Variants in ST6GAL1 observed in about 807,000 individuals in gnomAD.
ST6GAL1 encodes the protein ST6 beta-galactoside alpha-2,6-sialyltransferase 1, also known as beta-galactoside alpha-2,6-sialyltransferase 1.
Under a neutral mutation model 38.0 loss-of-function variants are expected in ST6GAL1, and 20 were observed. The ratio of observed to expected loss-of-function variants is 0.53; its 90% CI spans 0.37 to 0.77. ST6GAL1 has a LOEUF of 0.77. Among genes scored for constraint, ST6GAL1 ranks in the 30% least tolerant of loss-of-function variants. ST6GAL1 has a pLI of 0.00. For synonymous variants in ST6GAL1, 196 were observed against 188.2 expected (o/e 1.04, Z -0.34); for missense variants, 432 against 496.4 (o/e 0.87, Z 1.23).
chr3:186,970,521 T>C (rs1437478651), intron 2 of ST6GAL1, among the ~76,000 whole-genome samples: 1 of 151,858 alleles, frequency 6.6e-6, no homozygotes, highest in Admixed American at 6.6e-5. Flanking sequence ...CTGCGCCCGG[T>C]GGATACAGAA....
At chr3:186,941,665 G>T (rs1475322894) in intron 1 of ST6GAL1, among the ~76,000 whole-genome samples, 1 of 152,044 alleles carries the variant, frequency 6.6e-6, no homozygotes, top group Non-Finnish European at 1.5e-5. Flanking sequence ...CCCAACAATG[G>T]AACAAGCTGT....
intron 5 of ST6GAL1, among the ~76,000 whole-genome samples, chr3:187,059,932 G>C (rs928513517): frequency 8.5e-5 from 13 of 152,216 alleles, no homozygotes; most frequent in African/African-American, 3.1e-4. Context: ...TATTCAAGGA[G>C]GTCAGAATCC....
At chr3:186,976,945 T>C (rs532311226) in intron 2 of ST6GAL1, among the ~76,000 whole-genome samples, 1 of 152,338 alleles carries the variant, frequency 6.6e-6, no homozygotes, top group East Asian at 1.9e-4. Flanking sequence ...TGATACCATA[T>C]GAATAAAGGA....
At chr3:186,993,118 G>T (rs74829123) in intron 2 of ST6GAL1, among the ~76,000 whole-genome samples, 16 of 152,248 alleles carry the variant, frequency 1.1e-4, no homozygotes, top group African/African-American at 2.9e-4. Context: ...TCCCTAGTGC[G>T]TTTAGCTTCG....
At chr3:187,019,512 A>G (rs1035831288) in intron 2 of ST6GAL1, among the ~76,000 whole-genome samples, 6 of 152,172 alleles carry the variant, frequency 3.9e-5, no homozygotes, top group African/African-American at 1.4e-4. Context: ...GTAAAATGCA[A>G]TCCCTCTCTG....
intron 2 of ST6GAL1, among the ~76,000 whole-genome samples, chr3:186,993,791 C>T (rs1395461397): frequency 6.6e-6 from 1 of 152,060 alleles, no homozygotes; most frequent in African/African-American, 2.4e-5. Context: ...GCTTCAGCCT[C>T]TTCACCTGTA....
intron 2 of ST6GAL1, among the ~76,000 whole-genome samples, chr3:186,987,968 A>G (rs1165234715): frequency 6.6e-6 from 1 of 152,210 alleles, no homozygotes; most frequent in African/African-American, 2.4e-5. Context: ...GTTGGCAGTC[A>G]TGCCTAGCTT....
rs142599405 is a variant in ST6GAL1, at chr3:186,971,720, T to C, written c.-183+7794T>C. On this transcript the variant is annotated intron_variant, in intron 2 of 7. Coordinates refer to ENST00000169298, the MANE Select transcript of ST6GAL1 (RefSeq NM_173216.2). ...GAGCTGTGTATTTTTCCAGGGAGGA[T>C]TGTTTTTGTTCACAGATGAGCAAAC... Among the ~76,000 whole-genome samples, 145 of 152,302 alleles carry C rather than the reference T, an allele frequency of 9.5e-4. 1 individual carries two copies. Among genetic ancestry groups the C allele is most frequent in the African/African-American group, 3.3e-3 (138 of 41,558 alleles).
At chr3:186,954,916 C>T (rs982650046) in intron 1 of ST6GAL1, among the ~76,000 whole-genome samples, 7 of 152,126 alleles carry the variant, frequency 4.6e-5, no homozygotes, top group Non-Finnish European at 8.8e-5. Flanking sequence ...GTGCTGATGT[C>T]CTGAATGGTA....
At chr3:187,050,157 G>A (rs16861549) in intron 4 of ST6GAL1, among the ~76,000 whole-genome samples, 12,722 of 152,194 alleles carry the variant, frequency 0.084, 677 homozygotes, top group African/African-American at 0.15. Flanking sequence ...CTTGTGTTCA[G>A]TCAAATGCCC....
chr3:187,057,236 C>T (rs867839536), intron 5 of ST6GAL1, among the ~76,000 whole-genome samples: 4 of 152,114 alleles, frequency 2.6e-5, no homozygotes, highest in Non-Finnish European at 4.4e-5. Flanking sequence ...GCTTCCTTGC[C>T]ATGGGTTTGA....
chr3:186,962,917 G>A (rs939045535), intron 1 of ST6GAL1, among the ~76,000 whole-genome samples: 12 of 151,972 alleles, frequency 7.9e-5, no homozygotes, highest in African/African-American at 2.4e-4. Context: ...TTACTGACAC[G>A]GCACTTACTA....
intron 1 of ST6GAL1, among the ~76,000 whole-genome samples, chr3:186,950,885 TAAAAAC>T (rs912236712): frequency 3.3e-5 from 5 of 152,234 alleles, no homozygotes; most frequent in Non-Finnish European, 7.3e-5. Flanking sequence ...TAGGTGGTGA[TAAAAAC>T]AAACGTAGAA....
chr3:186,997,287 A>G (rs1298048281), intron 2 of ST6GAL1, among the ~76,000 whole-genome samples: 1 of 152,094 alleles, frequency 6.6e-6, no homozygotes, highest in Non-Finnish European at 1.5e-5. Flanking sequence ...CTGTTTTGTA[A>G]GTGACAAAAC....
chr3:186,934,437 C>T (rs915157299), intron 1 of ST6GAL1, among the ~76,000 whole-genome samples: 1 of 144,980 alleles, frequency 6.9e-6, no homozygotes, highest in Non-Finnish European at 1.6e-5. Context: ...TGGCGTACTC[C>T]TGTGGTCCCA....
At chr3:187,034,000 G>A (rs1717841882) in intron 2 of ST6GAL1, among the ~76,000 whole-genome samples, 1 of 151,996 alleles carries the variant, frequency 6.6e-6, no homozygotes, top group Admixed American at 6.6e-5. Flanking sequence ...AAACAAGTTT[G>A]GTAAACCATT....
intron 2 of ST6GAL1, among the ~76,000 whole-genome samples, chr3:186,985,032 C>T (rs1006570550): frequency 3.9e-5 from 6 of 152,128 alleles, no homozygotes; most frequent in Non-Finnish European, 8.8e-5. Flanking sequence ...CCTCAGCCTC[C>T]TGAGCAGCTG....
intron 4 of ST6GAL1, among the ~76,000 whole-genome samples, chr3:187,047,850 T>C (rs1229561933): frequency 6.6e-6 from 1 of 152,176 alleles, no homozygotes; most frequent in Non-Finnish European, 1.5e-5. Flanking sequence ...GATATTTTGG[T>C]ACATGCATAC....
In ST6GAL1 at chr3:186,942,070, A is replaced by G. The variant is rs373315496; in HGVS notation, c.-325+11236A>G. 4.6e-5 allele frequency among the ~76,000 whole-genome samples: 7 copies of G among 152,088 alleles called. No homozygotes were observed. The East Asian group carries it at 1.4e-3, about 29-fold the overall frequency. ...TGCCATCAGAGGACTTCTGCATTGC[A>G]GAGGGGTTGACCTCAATGGCCACTT... On this transcript the variant is annotated intron_variant, in intron 1 of 7. Transcript: ENST00000169298.
Sources: allele counts gnomAD v4.1 joint callset (sites outside exome capture counted in the v4.1 genomes callset), GRCh38; gene constraint gnomAD v4.1.1; transcripts MANE v1.5; gene names NCBI Gene and HGNC (gene_info 2026-07-23, HGNC 2026-07-21).